Variants in PSMD10 observed in about 807,000 individuals in gnomAD.
The protein encoded by PSMD10 is proteasome 26S subunit, non-ATPase 10.
Under a neutral mutation model 13.2 loss-of-function variants are expected in PSMD10, and 2 were observed. That is an observed-to-expected ratio of 0.15 (90% CI 0.06 to 0.48). The LOEUF is 0.48. PSMD10 is among the 20% of genes least tolerant of loss of function. PSMD10 has a pLI of 0.97. For missense variants in PSMD10, 120 were observed against 167.4 expected (o/e 0.72, Z 1.56); for synonymous variants, 66 against 64.4 (o/e 1.03, Z -0.12).
chrX:108,087,391 G>C, intron 4 of PSMD10: 1 of 206,987 alleles, frequency 4.8e-6, no homozygotes. Flanking sequence ...AAAAGAACAA[G>C]AGCTAAAACT....
rs760522931 is a variant in PSMD10 at position 108,087,968 on chromosome X, C to T, written c.345G>A (p.Ser115=). The part of the protein sequence containing the change: ...NGCTPLHYAA[S]KNRHEIAVML... ...GGAACCATACCTCATGCCTGTTTTT[C>T]GAAGCTGCATAATGTAAGGGAGTAC... The change falls in exon 3 of 5, where the codon TCG becomes TCA. Residue 115 remains serine (S), a synonymous_variant. Coordinates refer to ENST00000217958, the MANE Select transcript of PSMD10 (RefSeq NM_002814.4). 3.0e-5 allele frequency: 36 copies of T among 1,209,881 alleles called. No homozygotes were observed. Among genetic ancestry groups the T allele is most frequent in the South Asian group, 1.9e-4 (11 of 56,822 alleles).
At chrX:108,089,595 A>G (rs2031540016) in intron 1 of PSMD10, among the ~76,000 whole-genome samples, 1 of 111,922 alleles carries the variant, frequency 8.9e-6, no homozygotes, top group African/African-American at 3.2e-5. Flanking sequence ...GCACTTTGGG[A>G]GGCTGAGGTG....
chrX:108,090,898 C>T (rs908120867), intron 1 of PSMD10, among the ~76,000 whole-genome samples: 2 of 112,678 alleles, frequency 1.8e-5, no homozygotes, highest in Non-Finnish European at 3.7e-5. Flanking sequence ...AGCATCAGAT[C>T]CTCCTATTAA....
At chrX:108,088,540 A>C (rs1171105972) in intron 2 of PSMD10, 2 of 379,680 alleles carry the variant, frequency 5.3e-6, no homozygotes, top group African/African-American at 5.1e-5. Flanking sequence ...CTGTATGTTT[A>C]CCTTAAATCA....
intron 4 of PSMD10, 103 bp from the exon 5 acceptor site, chrX:108,085,230 T>A: frequency 1.2e-6 from 1 of 809,433 alleles, no homozygotes; most frequent in Non-Finnish European, 1.7e-6. Flanking sequence ...TAAGAAATGG[T>A]AACATTGGAA....
chrX:108,086,619 C>T (rs1414910208), intron 4 of PSMD10, among the ~76,000 whole-genome samples: 4 of 111,415 alleles, frequency 3.6e-5, no homozygotes, highest in Non-Finnish European at 7.5e-5. Context: ...CAAAAAGTTA[C>T]AATTAGATAA....
At chrX:108,088,602 C>G in intron 2 of PSMD10, 150 bp downstream of exon 2, 4 of 464,122 alleles carry the variant, frequency 8.6e-6, no homozygotes, top group Non-Finnish European at 1.5e-5. Context: ...CCATGAGTCT[C>G]ATGCTTGATC....
At position 108,091,421 on chromosome X, in the gene PSMD10, T is replaced by C. The variant is rs372681153; in HGVS notation, c.100A>G (p.Thr34Ala). 8.3e-7 allele frequency: 1 copy of C among 1,210,623 alleles called. No individual in the cohort carries two copies. The change falls in exon 1 of 5, where the codon ACT becomes GCT. Residue 34 changes from threonine to alanine, a missense_variant. Transcript: ENST00000217958. Reference sequence around the variant, plus strand: ...CGTTGCTTTACCTGGTCAGTTCTAGTAGCCAGGGATTTATCGGCCAGAATA... The same window carrying C: ...CGTTGCTTTACCTGGTCAGTTCTAGCAGCCAGGGATTTATCGGCCAGAATA... ...ESILADKSLA[T>A]RTDQDSRTAL...
At chrX:108,086,880 A>G (rs1026680438) in intron 4 of PSMD10, among the ~76,000 whole-genome samples, 6 of 111,546 alleles carry the variant, frequency 5.4e-5, no homozygotes, top group Non-Finnish European at 1.1e-4. Flanking sequence ...CTAGGAGTCT[A>G]TAAGAAGGTA....
At chrX:108,086,179 AC>A (rs1484747286) in intron 4 of PSMD10, among the ~76,000 whole-genome samples, 1 of 112,500 alleles carries the variant, frequency 8.9e-6, no homozygotes, top group East Asian at 2.8e-4. Context: ...AGAAAAAGTC[AC>A]CATTCAACAC....
rs1173053440 is a variant in PSMD10 at position 108,088,215 on chromosome X, A to T, written c.214-116T>A. On this transcript the variant is annotated intron_variant, in intron 2 of 4. Coordinates refer to ENST00000217958, the MANE Select transcript of PSMD10 (RefSeq NM_002814.4). ...AAGGCAAAAAAATATTTGCCTACAA[A>T]AAAGGTTCCATTCTTACTCTTCACA... is the stretch of plus-strand genomic sequence containing the variant. 5.5e-6 allele frequency: 4 copies of T among 724,446 alleles called. No individual in the cohort carries two copies. In the African/African-American group the frequency reaches 6.5e-5, roughly 12 times the overall value. 59.7% of individuals were successfully genotyped at this position (724,446 alleles called of 1,213,427 possible).
chrX:108,085,438 A>C (rs1207057154), intron 4 of PSMD10, among the ~76,000 whole-genome samples: 4 of 112,738 alleles, frequency 3.5e-5, no homozygotes, highest in Non-Finnish European at 7.5e-5. Flanking sequence ...CAAACACTAC[A>C]TGTAATAATT....
Position 108,085,135 on chromosome X carries a change from C to T in PSMD10, c.528-8G>A, listed in dbSNP as rs375801741. The stretch of plus-strand genomic sequence containing the variant: ...TCATCACAGGCTAAGTGTCTGAAAT[C>T]AGGGACCACCAGAGACCAATTAATC... On this transcript the variant is annotated splice_polypyrimidine_tract_variant and splice_region_variant and intron_variant, in intron 4 of 4. Coordinates refer to ENST00000217958, the MANE Select transcript of PSMD10 (RefSeq NM_002814.4). The T allele has an allele frequency of 1.4e-5, 17 of 1,186,461 alleles. No homozygotes were observed. The highest frequency in any genetic ancestry group is 1.5e-5 in the Non-Finnish European group (13 of 885,049).
chrX:108,086,418 G>A (rs2031497993), intron 4 of PSMD10, among the ~76,000 whole-genome samples: 1 of 112,136 alleles, frequency 8.9e-6, no homozygotes, highest in Non-Finnish European at 1.9e-5. Flanking sequence ...AAAGATGAAT[G>A]GGCTTGACTA....
rs2031518114 is a variant in PSMD10 at position 108,087,994 on chromosome X, A to G, written c.319T>C (p.Cys107Arg). ...AQVNAVNQNG[C>R]TPLHYAASKN... ...GAAGCTGCATAATGTAAGGGAGTAC[A>G]GCCATTTTGATTGACAGCATTCACT... The change falls in exon 3 of 5, where the codon TGT becomes CGT. Residue 107 changes from cysteine to arginine, a missense_variant. Coordinates refer to ENST00000217958, the MANE Select transcript of PSMD10 (RefSeq NM_002814.4). The G allele has an allele frequency of 1.7e-6, 2 of 1,209,783 alleles. No homozygotes were observed. The highest frequency in any genetic ancestry group is 2.2e-5 in the Admixed American group (1 of 45,780).
Position 108,087,750 on chromosome X carries a change from T to C in PSMD10, c.463A>G (p.Ile155Val), listed in dbSNP as rs1316458423. The C allele has an allele frequency of 8.3e-7, 1 of 1,210,535 alleles. No homozygotes were observed. ...RAAAKGNLKMIHILLYYKAST... is the reference protein window; with the variant it reads ...RAAAKGNLKMVHILLYYKAST... ...GCTTTGTAGTACAGAAGGATATGAA[T>C]CATCTTCAAGTTACCCTTGGCTGCT... is the stretch of plus-strand genomic sequence containing the variant. Residue 155 changes from isoleucine (I) to valine (V), a missense_variant, in exon 4 of 5, where the codon ATT becomes GTT. Transcript: ENST00000217958.
At chrX:108,087,267 G>A in intron 4 of PSMD10, 1 of 113,204 alleles carries the variant, frequency 8.8e-6, no homozygotes, top group Non-Finnish European at 1.8e-5. Flanking sequence ...ACTCATAAAA[G>A]TTTAAATATA....
In PSMD10 at chrX:108,084,960, T is replaced by C. The variant is rs373331987; in HGVS notation, c.*14A>G. The C allele has an allele frequency of 3.9e-4, 461 of 1,184,693 alleles. 1 individual carries two copies. Among genetic ancestry groups the C allele is most frequent in the South Asian group, 2.6e-3 (133 of 51,406 alleles). ...AACAACACAACATACAAAGTAAGAATAAATCCAAGCTGTTTAACCTTCCAC... is the reference window on the plus strand; with the variant it reads ...AACAACACAACATACAAAGTAAGAACAAATCCAAGCTGTTTAACCTTCCAC... On this transcript the variant is annotated 3_prime_UTR_variant, in exon 5 of 5. Coordinates refer to ENST00000217958, the MANE Select transcript of PSMD10 (RefSeq NM_002814.4).
chrX:108,085,228 G>A, intron 4 of PSMD10, 101 bp from the exon 5 acceptor site: 1 of 804,796 alleles, frequency 1.2e-6, no homozygotes, highest in Non-Finnish European at 1.7e-6. Flanking sequence ...ATTAAGAAAT[G>A]GTAACATTGG....
Sources: gnomAD v4.1 joint callset for allele counts (sites outside exome capture counted in the v4.1 genomes callset) on GRCh38, gnomAD v4.1.1 for gene constraint, MANE v1.5 for transcripts, NCBI Gene and HGNC (gene_info 2026-07-23, HGNC 2026-07-21) for gene names.